The following ANO10 variants were observed in gnomAD, a reference collection of about 807,000 sequenced individuals.
ANO10 encodes the protein anoctamin 10.
ANO10 carries 77 observed loss-of-function variants against 74.7 expected under a neutral mutation model. The observed-to-expected ratio is 1.03, with a 90% CI of 0.86 to 1.25. The LOEUF is 1.25. Ranked by LOEUF, ANO10 falls within the 50% of genes most tolerant of loss-of-function variation. The probability of loss-of-function intolerance (pLI) is 0.00; values close to 1 mark genes in which losing one functional copy is unlikely to be tolerated. For synonymous variants in ANO10, 279 were observed against 284.9 expected (o/e 0.98, Z 0.21); for missense variants, 721 against 778.1 (o/e 0.93, Z 0.87).
intron 12 of ANO10, among the ~76,000 whole-genome samples, chr3:43,420,931 A>T (rs2092810381): frequency 6.6e-6 from 1 of 152,230 alleles, no homozygotes; most frequent in South Asian, 2.1e-4. Flanking sequence ...TTTAAAAAGA[A>T]TTGGCCAGGG....
Position 43,651,620 on chromosome 3 carries a change from T to C in ANO10, c.-12+39897A>G, listed in dbSNP as rs551925209. 6.0e-4 allele frequency among the ~76,000 whole-genome samples: 91 copies of C among 152,346 alleles called. 4 individuals carry two copies. In the South Asian group the frequency reaches 0.018, roughly 31 times the overall value. On this transcript the variant is annotated intron_variant, in intron 1 of 3. Coordinates refer to the ANO10 transcript ENST00000413397. ...GAATTCCTTAAGAGCAGAATTTTTCTCTTATTTAGCCTTGTCCAAACAGGT... is the reference window on the plus strand; with the variant it reads ...GAATTCCTTAAGAGCAGAATTTTTCCCTTATTTAGCCTTGTCCAAACAGGT...
intron 12 of ANO10, among the ~76,000 whole-genome samples, chr3:43,396,328 C>T (rs530933551): frequency 4.6e-5 from 7 of 152,014 alleles, no homozygotes; most frequent in South Asian, 4.1e-4. Context: ...TTTCTTTCTT[C>T]GCTTCACGTT....
chr3:43,658,952 T>G (rs779414535), intron 1 of ANO10, among the ~76,000 whole-genome samples: 4 of 152,198 alleles, frequency 2.6e-5, no homozygotes, highest in South Asian at 2.1e-4. Flanking sequence ...GTGTTATATT[T>G]TATTATAAAG....
intron 1 of ANO10, among the ~76,000 whole-genome samples, chr3:43,669,924 C>T (rs1343850749): frequency 6.6e-6 from 1 of 152,056 alleles, no homozygotes; most frequent in Non-Finnish European, 1.5e-5. Context: ...CGGGGTTTCA[C>T]CATGTTGGCC....
At chr3:43,624,343 T>A (rs754708025), upstream of ANO10, among the ~76,000 whole-genome samples, 2 of 152,212 alleles carry the variant, frequency 1.3e-5, no homozygotes, top group Non-Finnish European at 2.9e-5. Flanking sequence ...CACTTAAATC[T>A]CATGCTGAAT....
intron 1 of ANO10, among the ~76,000 whole-genome samples, chr3:43,608,180 G>C (rs992843525): frequency 1.3e-5 from 2 of 152,084 alleles, no homozygotes; most frequent in African/African-American, 4.8e-5. Flanking sequence ...AGCCAAGAGA[G>C]AGAAAATTCT....
chr3:43,382,059 C>T (rs957012039), intron 12 of ANO10, among the ~76,000 whole-genome samples: 4 of 152,190 alleles, frequency 2.6e-5, no homozygotes, highest in Non-Finnish European at 5.9e-5. Flanking sequence ...TGGGATACAG[C>T]AAAGGCAGTG....
intron 12 of ANO10, among the ~76,000 whole-genome samples, chr3:43,388,211 G>T (rs1213028421): frequency 6.6e-6 from 1 of 152,172 alleles, no homozygotes; most frequent in Non-Finnish European, 1.5e-5. Context: ...ACCACACCAG[G>T]TTCCTCCTGA....
intron 12 of ANO10, among the ~76,000 whole-genome samples, chr3:43,367,941 G>A (rs2091469174): frequency 6.6e-6 from 1 of 152,190 alleles, no homozygotes; most frequent in Non-Finnish European, 1.5e-5. Context: ...GCCACCCAGG[G>A]CTGGAAGCAA....
At chr3:43,633,113 T>C (rs1304832360) in intron 1 of ANO10, among the ~76,000 whole-genome samples, 6 of 152,176 alleles carry the variant, frequency 3.9e-5, no homozygotes, top group Admixed American at 1.3e-4. Context: ...ATAAAAAACG[T>C]AAATTTATTT....
At chr3:43,666,594 A>C (rs1490747065) in intron 1 of ANO10, among the ~76,000 whole-genome samples, 1 of 152,204 alleles carries the variant, frequency 6.6e-6, no homozygotes, top group African/African-American at 2.4e-5. Context: ...AATCAATCAT[A>C]GATATCTATC....
At chr3:43,388,304 G>C (rs2092183047) in intron 12 of ANO10, among the ~76,000 whole-genome samples, 1 of 152,058 alleles carries the variant, frequency 6.6e-6, no homozygotes, top group African/African-American at 2.4e-5. Context: ...GAGAACTGCA[G>C]TGATTATAGA....
chr3:43,524,657 G>A (rs1193061450), intron 11 of ANO10, among the ~76,000 whole-genome samples: 1 of 152,142 alleles, frequency 6.6e-6, no homozygotes, highest in Non-Finnish European at 1.5e-5. Context: ...TGCCCACTGG[G>A]CTCCTCTTGC....
rs528669137 is a variant in ANO10 at position 43,399,308 on chromosome 3, CT to C, written c.1915-32335del. 1.1e-3 allele frequency among the ~76,000 whole-genome samples: 160 copies of C among 152,296 alleles called. 2 individuals are homozygous for C. Among genetic ancestry groups the C allele is most frequent in the Admixed American group, 0.01 (157 of 15,304 alleles). On this transcript the variant is annotated intron_variant, in intron 12 of 12. Coordinates refer to ENST00000292246, the MANE Select transcript of ANO10 (RefSeq NM_018075.5). Reference sequence around the variant, plus strand: ...TCATGCTTTTAGTTGCCAATAACGCCTTTTTGTTCTCTGATCACTTCTTTTT... The same window carrying C: ...TCATGCTTTTAGTTGCCAATAACGCCTTTTGTTCTCTGATCACTTCTTTTT...
rs536208007 is a variant in ANO10 at position 43,662,374 on chromosome 3, A to G, written c.-12+29143T>C. Among the ~76,000 whole-genome samples, 5 of 152,344 alleles carry G rather than the reference A, an allele frequency of 3.3e-5. No individual in the cohort carries two copies. The East Asian group carries it at 9.6e-4, about 29-fold the overall frequency. On this transcript the variant is annotated intron_variant, in intron 1 of 3. Transcript: ENST00000413397. ...TGAAACCAATGAGAACAAAGACACA[A>G]CGTACCAGAATCTCTGGGACACATT...
At chr3:43,451,720 G>T (rs2148997473) in intron 11 of ANO10, among the ~76,000 whole-genome samples, 1 of 152,260 alleles carries the variant, frequency 6.6e-6, no homozygotes, top group African/African-American at 2.4e-5. Context: ...AATACGCTTA[G>T]ATAAGACTAT....
chr3:43,677,140 T>C (rs1422990939), intron 1 of ANO10, among the ~76,000 whole-genome samples: 6 of 152,152 alleles, frequency 3.9e-5, no homozygotes, highest in Admixed American at 3.9e-4. Context: ...ACATACACCA[T>C]GGAATACTAT....
At chr3:43,504,301 T>TAGGTAGATAGAC (rs1282770394) in intron 11 of ANO10, among the ~76,000 whole-genome samples, 1 of 26,392 alleles carries the variant, frequency 3.8e-5, no homozygotes, top group Admixed American at 4.1e-4. Context: ...GGTAGGTAGG[T>TAGGTAGATAGAC]AGATAGATAG....
chr3:43,617,513 G>A (rs922743738), intron 1 of ANO10, among the ~76,000 whole-genome samples: 1 of 152,114 alleles, frequency 6.6e-6, no homozygotes, highest in African/African-American at 2.4e-5. Flanking sequence ...CTACAAATAA[G>A]TTAAATTCAT....
Sources: allele counts gnomAD v4.1 joint callset (sites outside exome capture counted in the v4.1 genomes callset), GRCh38; gene constraint gnomAD v4.1.1; transcripts MANE v1.5; gene names NCBI Gene and HGNC (gene_info 2026-07-23, HGNC 2026-07-21).